KRIT1: variants seen among roughly 807,000 people sequenced by gnomAD.
The protein encoded by KRIT1 is KRIT1 ankyrin repeat containing.
In KRIT1, 45 loss-of-function variants were observed where a neutral mutation model predicts 95.8. The observed-to-expected ratio is 0.47, with a 90% confidence interval of 0.37 to 0.60. KRIT1 has a LOEUF of 0.60. KRIT1 is among the 20% of genes least tolerant of loss of function. The probability of loss-of-function intolerance (pLI) is 0.00; values close to 1 mark genes in which losing one functional copy is unlikely to be tolerated. For missense variants in KRIT1, 788 were observed against 877.5 expected, an observed-to-expected ratio of 0.90 and a Z score of 1.29; for synonymous variants, 282 against 278.8, an observed-to-expected ratio of 1.01 and a Z score of -0.11.
intron 12 of KRIT1, among the ~76,000 whole-genome samples, chr7:92,225,174 C>T (rs1390277929): frequency 6.6e-6 from 1 of 151,978 alleles, no homozygotes; most frequent in Non-Finnish European, 1.5e-5. Flanking sequence ...TATGTGTAAT[C>T]AACACATCAA....
At chr7:92,217,472 T>G (rs1794225135) in intron 14 of KRIT1, among the ~76,000 whole-genome samples, 1 of 152,216 alleles carries the variant, frequency 6.6e-6, no homozygotes, top group African/African-American at 2.4e-5. Context: ...CAATCTATTT[T>G]TTCCCTTTAT....
chr7:92,204,090 A>C (rs1790823851), intron 17 of KRIT1: 1 of 151,476 alleles, frequency 6.6e-6, no homozygotes, highest in South Asian at 2.1e-4. Flanking sequence ...GTGAGATCCT[A>C]TCTCTACAAA....
At chr7:92,221,541 T>C (rs2131428715) in intron 14 of KRIT1, among the ~76,000 whole-genome samples, 1 of 152,320 alleles carries the variant, frequency 6.6e-6, no homozygotes, top group East Asian at 1.9e-4. Context: ...ACACCAGTGT[T>C]TCTCTTTCTT....
chr7:92,236,708 C>A (rs1456850882), intron 6 of KRIT1, among the ~76,000 whole-genome samples, 166 bp from the exon 7 acceptor site: 2 of 152,128 alleles, frequency 1.3e-5, no homozygotes, highest in Non-Finnish European at 2.9e-5. Context: ...GCTCTGTGAC[C>A]TTGTCCACTC....
chr7:92,212,417 T>G (rs1222547800), intron 17 of KRIT1, among the ~76,000 whole-genome samples: 1 of 152,192 alleles, frequency 6.6e-6, no homozygotes, highest in Non-Finnish European at 1.5e-5. Context: ...AAAATTGGTA[T>G]GTTGAAATCC....
intron 17 of KRIT1, among the ~76,000 whole-genome samples, chr7:92,203,809 G>A (rs1362134758): frequency 6.6e-6 from 1 of 152,164 alleles, no homozygotes; most frequent in African/African-American, 2.4e-5. Context: ...TGAAACAGCA[G>A]AGGAAAAATT....
chr7:92,234,560 T>A lies in KRIT1; in HGVS notation c.878A>T (p.His293Leu), dbSNP rs1797996586. Residue 293 changes from histidine to leucine, a missense_variant, in exon 10 of 19, where the codon CAC (histidine) becomes CTC (leucine). Transcript: ENST00000394505. ...TGAATCTCCTTCACAGGCGCTTCGG[T>A]GGAGAGGAAAATCATCTACCCACTG... is the stretch of plus-strand genomic sequence containing the variant. ...ERQWVDDFPLHRSACEGDSEL... is the reference protein window; with the variant it reads ...ERQWVDDFPLLRSACEGDSEL... 1.9e-6 allele frequency: 3 copies of A among 1,613,342 alleles called. No homozygotes were observed. The highest frequency in any genetic ancestry group is 8.5e-7 in the Non-Finnish European group (1 of 1,179,330).
intron 10 of KRIT1, among the ~76,000 whole-genome samples, chr7:92,231,880 T>A (rs926830790): frequency 1.3e-5 from 2 of 152,210 alleles, no homozygotes; most frequent in African/African-American, 4.8e-5. Flanking sequence ...TATTACAGAT[T>A]AATAAATTTT....
rs888004716 is a variant in KRIT1 at position 92,200,055 on chromosome 7, C to T, written c.*681G>A. 12 of 152,564 alleles carry T rather than the reference C, an allele frequency of 7.9e-5. No individual in the cohort carries two copies. Among genetic ancestry groups the T allele is most frequent in the African/African-American group, 2.9e-4 (12 of 41,434 alleles). 9.5% of individuals were successfully genotyped at this position (152,564 alleles called of 1,614,324 possible). On this transcript the variant is annotated 3_prime_UTR_variant, in exon 19 of 19. Coordinates refer to ENST00000394505, the MANE Select transcript of KRIT1 (RefSeq NM_194454.3). ...ATTTTCTTTATTCAAATCATGTTGA[C>T]GTTCAGTATATTTTGAAATACACAT...
Position 92,237,685 on chromosome 7 carries a change from C to T in KRIT1, c.337G>A (p.Val113Ile), listed in dbSNP as rs1798706139. 6.2e-7 allele frequency: 1 copy of T among 1,600,172 alleles called. No homozygotes were observed. The highest frequency in any genetic ancestry group is 8.6e-7 in the Non-Finnish European group (1 of 1,167,788). Residue 113 changes from valine (V) to isoleucine (I), a missense_variant, in exon 6 of 19, where the codon GTT becomes ATT. By Grantham distance (29) the Val-to-Ile change is conservative (BLOSUM62 3). Coordinates refer to ENST00000394505, the MANE Select transcript of KRIT1 (RefSeq NM_194454.3). The part of the protein sequence containing the change: ...KMGREASLFI[V>I]PSVVKDNTKY... ...ACTTTACCTTTGACAACTGATGGAA[C>T]AATAAATAATGATGCTTCTCTGCCC...
chr7:92,215,561 G>A (rs1793788611), intron 14 of KRIT1, among the ~76,000 whole-genome samples: 1 of 152,102 alleles, frequency 6.6e-6, no homozygotes, highest in East Asian at 1.9e-4. Flanking sequence ...CCTCGACCTC[G>A]TGGGCTCAAG....
intron 14 of KRIT1, among the ~76,000 whole-genome samples, chr7:92,219,431 T>C (rs1017010863): frequency 2.6e-5 from 4 of 152,230 alleles, no homozygotes; most frequent in African/African-American, 9.6e-5. Flanking sequence ...GGTAGCCTTG[T>C]CAAAAGTCTA....
At chr7:92,211,825 G>C (rs1293317069) in intron 17 of KRIT1, among the ~76,000 whole-genome samples, 11 of 152,066 alleles carry the variant, frequency 7.2e-5, no homozygotes, top group Non-Finnish European at 1.2e-4. Context: ...GGACCCAGTG[G>C]TTCATGCTTG....
chr7:92,212,031 T>C (rs1488902129), intron 17 of KRIT1, among the ~76,000 whole-genome samples: 2 of 151,978 alleles, frequency 1.3e-5, no homozygotes, highest in Non-Finnish European at 2.9e-5. Context: ...CTTGAGTCCA[T>C]GAGTTCAAAG....
intron 14 of KRIT1, among the ~76,000 whole-genome samples, chr7:92,219,747 G>A (rs1794741771): frequency 6.6e-6 from 1 of 152,154 alleles, no homozygotes; most frequent in Non-Finnish European, 1.5e-5. Flanking sequence ...TCTTAACGAT[G>A]CTAACTATTC....
At chr7:92,216,527 G>A (rs1391885400) in intron 14 of KRIT1, among the ~76,000 whole-genome samples, 2 of 151,970 alleles carry the variant, frequency 1.3e-5, no homozygotes, top group African/African-American at 4.8e-5. Context: ...CAGATATTAT[G>A]TAATTATGGA....
At chr7:92,241,549 T>C (rs1563323749) in intron 4 of KRIT1, among the ~76,000 whole-genome samples, 1 of 152,044 alleles carries the variant, frequency 6.6e-6, no homozygotes, top group Admixed American at 6.5e-5. Flanking sequence ...TAACAAGTTA[T>C]ATATATGTAT....
intron 3 of KRIT1, among the ~76,000 whole-genome samples, chr7:92,243,307 A>T (rs1035520516): frequency 2.0e-5 from 3 of 152,232 alleles, no homozygotes; most frequent in Non-Finnish European, 2.9e-5. Flanking sequence ...TGGCTACACT[A>T]AAGTGCATCT....
intron 14 of KRIT1, among the ~76,000 whole-genome samples, chr7:92,218,384 ACTT>A (rs1794435909): frequency 1.4e-5 from 2 of 147,358 alleles, no homozygotes; most frequent in African/African-American, 5.0e-5. Flanking sequence ...CGCCTGGCCT[ACTT>A]TTTTTTTTTT....
Sources: gnomAD v4.1 joint callset for allele counts (sites outside exome capture counted in the v4.1 genomes callset) on GRCh38, gnomAD v4.1.1 for gene constraint, MANE v1.5 for transcripts, NCBI Gene and HGNC (gene_info 2026-07-23, HGNC 2026-07-21) for gene names.